ARHGAP39: variants seen among roughly 807,000 people sequenced by gnomAD.
ARHGAP39 encodes the protein rho GTPase-activating protein 39.
A neutral mutation model predicts 106.9 loss-of-function variants in ARHGAP39; 44 were observed. The observed-to-expected ratio is 0.41, with a 90% CI of 0.32 to 0.53. The LOEUF (loss-of-function observed/expected upper bound fraction) is 0.53. ARHGAP39 is among the 20% of genes least tolerant of loss of function. ARHGAP39 has a pLI of 0.21. For missense variants in ARHGAP39, 1,496 were observed against 1,577.3 expected (o/e 0.95, Z 0.87); for synonymous variants, 768 against 693.2 (o/e 1.11, Z -1.69).
chr8:144,607,763 G>A (rs539596265), intron 1 of ARHGAP39, among the ~76,000 whole-genome samples: 1 of 152,328 alleles, frequency 6.6e-6, no homozygotes, highest in African/African-American at 2.4e-5. Context: ...GCTCACAAGC[G>A]GGGTAACCAC....
chr8:144,532,506 A>G (rs1816769419), intron 9 of ARHGAP39, 110 bp from the exon 10 acceptor site: 1 of 976,060 alleles, frequency 1.0e-6, no homozygotes, highest in Non-Finnish European at 1.5e-6. Context: ...AGGGGAGCAA[A>G]ACCTCAGGAC....
At chr8:144,696,448 T>G in the ARHGAP39 span, among the ~76,000 whole-genome samples, 3 of 152,210 alleles carry the variant, frequency 2.0e-5, no homozygotes, top group African/African-American at 7.2e-5. Flanking sequence ...GTGCCCCAGT[T>G]AAAATTTGTC....
At chr8:144,584,291 T>C (rs1227078009) in intron 2 of ARHGAP39, 1 of 151,690 alleles carries the variant, frequency 6.6e-6, no homozygotes, top group Non-Finnish European at 1.5e-5. Flanking sequence ...ACACAAAAAT[T>C]AGCCGGGCAT....
intron 2 of ARHGAP39, among the ~76,000 whole-genome samples, chr8:144,594,346 G>A (rs1311653598): frequency 2.6e-5 from 4 of 152,222 alleles, no homozygotes; most frequent in Admixed American, 2.6e-4. Context: ...CTGGTGGGAA[G>A]TGGGAACATT....
intron 1 of ARHGAP39, among the ~76,000 whole-genome samples, chr8:144,651,725 TAC>T (rs1821579425): frequency 6.6e-6 from 1 of 151,692 alleles, no homozygotes; most frequent in Non-Finnish European, 1.5e-5. Context: ...TAAAAATAAA[TAC>T]ATACATTCAT....
chr8:144,601,869 G>A (rs1373738325), intron 2 of ARHGAP39, among the ~76,000 whole-genome samples: 35 of 145,392 alleles, frequency 2.4e-4, no homozygotes, highest in African/African-American at 8.5e-4. Context: ...GTGTGTGCGA[G>A]CTCACGTACC....
the ARHGAP39 span, among the ~76,000 whole-genome samples, chr8:144,696,093 C>G: frequency 6.6e-6 from 1 of 152,166 alleles, no homozygotes; most frequent in African/African-American, 2.4e-5. Flanking sequence ...CTGGGCCACA[C>G]GCTGCCTCCA....
At chr8:144,628,751 TTG>T (rs1170171965) in intron 1 of ARHGAP39, among the ~76,000 whole-genome samples, 3 of 152,224 alleles carry the variant, frequency 2.0e-5, no homozygotes, top group Non-Finnish European at 4.4e-5. Flanking sequence ...GCTGAATTCC[TTG>T]TGTCTGTCCT....
chr8:144,601,308 C>CTG (rs200314249), intron 2 of ARHGAP39, among the ~76,000 whole-genome samples: 106 of 122,008 alleles, frequency 8.7e-4, no homozygotes, highest in Admixed American at 2.8e-3. Flanking sequence ...GCTCATGTAC[C>CTG]TGTGTGTGTG....
intron 7 of ARHGAP39, 121 bp from the exon 8 acceptor site, chr8:144,534,323 A>T: frequency 9.4e-7 from 1 of 1,069,182 alleles, no homozygotes; most frequent in South Asian, 1.4e-5. Flanking sequence ...TGCCCCGGTC[A>T]CCCCCTGCCC....
intron 1 of ARHGAP39, among the ~76,000 whole-genome samples, chr8:144,619,741 C>G (rs1206201128): frequency 6.9e-6 from 1 of 144,118 alleles, no homozygotes; most frequent in Non-Finnish European, 1.5e-5. Flanking sequence ...TGCGTGTGAG[C>G]CTGTGTGTAC....
rs574751673 is a variant in ARHGAP39 at position 144,644,017 on chromosome 8, C to G, written c.-81-38322G>C. Among the ~76,000 whole-genome samples, 5 of 152,276 alleles carry G rather than the reference C, an allele frequency of 3.3e-5. No homozygotes were observed. The highest frequency in any genetic ancestry group is 3.3e-4 in the Admixed American group (5 of 15,306). ...GCAAGTAAGAACTCACTTTGGAAAA[C>G]AGTTTGGCAAAAATCTACCACGTGA... On this transcript the variant is annotated intron_variant, in intron 1 of 11. Transcript: ENST00000377307. This position sits in a 1 kb window ranked among gnomAD's most constrained non-coding sequence, Gnocchi z 4.8.
intron 4 of ARHGAP39, among the ~76,000 whole-genome samples, chr8:144,552,974 C>T (rs1421509784): frequency 6.6e-6 from 1 of 152,214 alleles, no homozygotes; most frequent in Non-Finnish European, 1.5e-5. Flanking sequence ...CCGAGCCCAG[C>T]GGGCCTGGCT....
At chr8:144,617,243 TG>T (rs1323579989) in intron 1 of ARHGAP39, among the ~76,000 whole-genome samples, 1 of 151,372 alleles carries the variant, frequency 6.6e-6, no homozygotes, top group Non-Finnish European at 1.5e-5. Flanking sequence ...AAAACACAAT[TG>T]GGTGATTTCA....
In ARHGAP39 at chr8:144,595,325, C is replaced by T. The variant is rs148560043; in HGVS notation, c.80+10210G>A. ...TGGACCTGGGGCATGTCGACGTGAGCGAAGGACCACTCGTATGATTCCACG... is the reference window on the plus strand; with the variant it reads ...TGGACCTGGGGCATGTCGACGTGAGTGAAGGACCACTCGTATGATTCCACG... On this transcript the variant is annotated intron_variant, in intron 2 of 11. Coordinates refer to ENST00000377307, the MANE Select transcript of ARHGAP39 (RefSeq NM_025251.3). 2.3e-3 allele frequency among the ~76,000 whole-genome samples: 352 copies of T among 152,280 alleles called. 1 individual carries two copies. The highest frequency in any genetic ancestry group is 7.1e-3 in the African/African-American group (294 of 41,560).
At chr8:144,562,844 G>A (rs756017974) in intron 3 of ARHGAP39, among the ~76,000 whole-genome samples, 13 of 150,688 alleles carry the variant, frequency 8.6e-5, no homozygotes, top group East Asian at 3.9e-4. Context: ...GGTTTCCATC[G>A]GACTCACTCC....
the ARHGAP39 span, among the ~76,000 whole-genome samples, chr8:144,697,733 C>T: frequency 6.6e-6 from 1 of 152,128 alleles, no homozygotes; most frequent in East Asian, 1.9e-4. Flanking sequence ...CTCAGGTGAT[C>T]TGCCTGCCTC....
rs971528253 is a variant in ARHGAP39, at chr8:144,670,863, A to C, written c.-82+14823T>G. Among the ~76,000 whole-genome samples the C allele has an allele frequency of 8.5e-5, 13 of 152,164 alleles. No individual in the cohort carries two copies. Among genetic ancestry groups the C allele is most frequent in the African/African-American group, 2.9e-4 (12 of 41,430 alleles). On this transcript the variant is annotated intron_variant, in intron 1 of 11. Coordinates refer to ENST00000377307, the MANE Select transcript of ARHGAP39 (RefSeq NM_025251.3). The surrounding 1 kb of genome is among the most constrained non-coding windows in gnomAD (Gnocchi z 4.4). ...CAAGAGACAAACGCTTTACCCCTGC[A>C]CTGCCAGCCCCGAGCACCACTGACC...
At chr8:144,682,548 CAAAAA>C (rs1041779842) in intron 1 of ARHGAP39, among the ~76,000 whole-genome samples, 3 of 70,184 alleles carry the variant, frequency 4.3e-5, no homozygotes, top group Admixed American at 1.6e-4. Context: ...GACTCTGTCT[CAAAAA>C]AAAAAAAAAA....
Sources: gnomAD v4.1 joint callset for allele counts (sites outside exome capture counted in the v4.1 genomes callset) on GRCh38, gnomAD v4.1.1 for gene constraint, Gnocchi (gnomAD v3.1) non-coding constraint, MANE v1.5 for transcripts, NCBI Gene and HGNC (gene_info 2026-07-23, HGNC 2026-07-21) for gene names.